Variants in AP3B1 observed in about 807,000 individuals in gnomAD.
AP3B1 encodes adaptor related protein complex 3 subunit beta 1, also known as AP-3 complex subunit beta-1.
A neutral mutation model predicts 132.5 loss-of-function variants in AP3B1; 61 were observed. The ratio of observed to expected loss-of-function variants is 0.46; its 90% CI spans 0.37 to 0.57. The LOEUF is 0.57. Among genes scored for constraint, AP3B1 ranks in the 20% least tolerant of loss-of-function variants. The pLI is 0.00. For synonymous variants in AP3B1, 388 were observed against 438.3 expected, an observed-to-expected ratio of 0.89 and a Z score of 1.43; for missense variants, 1,120 against 1,289.4, an observed-to-expected ratio of 0.87 and a Z score of 2.01.
At position 78,165,614 on chromosome 5, in the gene AP3B1, A is replaced by C; in HGVS notation, c.1226T>G (p.Phe409Cys). The C allele has an allele frequency of 6.2e-7, 1 of 1,607,364 alleles. No homozygotes were observed. The highest frequency in any genetic ancestry group is 2.2e-5 in the East Asian group (1 of 44,772). ...TAATTAGCACTGTACACAAACCTGA[A>C]ATTCTCGAAGAAGAGTTGATATGTT... ...EANISTLLRE[F>C]QTYVKSQDKQ... Residue 409 changes from phenylalanine to cysteine, a missense_variant, in exon 12 of 27, where the codon TTT becomes TGT. By Grantham distance (205) the Phe-to-Cys change is radical. Transcript: ENST00000255194.
intron 22 of AP3B1, chr5:78,042,990 C>T (rs886472482): frequency 2.2e-5 from 4 of 178,368 alleles, no homozygotes. Flanking sequence ...TCCAAATGTT[C>T]TTGATCTTGT....
intron 15 of AP3B1, among the ~76,000 whole-genome samples, chr5:78,137,510 G>A (rs993902817): frequency 3.3e-5 from 5 of 152,100 alleles, no homozygotes; most frequent in African/African-American, 1.2e-4. Flanking sequence ...CCTTTTGGAG[G>A]TCTAGCCACT....
In AP3B1 at chr5:78,058,112, A is replaced by G. The variant is rs142170550; in HGVS notation, c.2578-18838T>C. The stretch of plus-strand genomic sequence containing the variant: ...GTGCCTGTAATTATATTTGATGGTA[A>G]ATAAATATTTTAAAATATTTTAAAA... On this transcript the variant is annotated intron_variant, in intron 22 of 26. Transcript: ENST00000255194. 2.3e-3 allele frequency among the ~76,000 whole-genome samples: 348 copies of G among 152,326 alleles called. 1 individual carries two copies. Among genetic ancestry groups the G allele is most frequent in the African/African-American group, 7.9e-3 (328 of 41,562 alleles).
intron 21 of AP3B1, among the ~76,000 whole-genome samples, chr5:78,093,639 T>C (rs1325456280): frequency 1.3e-5 from 2 of 152,234 alleles, no homozygotes; most frequent in Non-Finnish European, 1.5e-5. Context: ...AAAAACTGAA[T>C]ACATAATGGC....
intron 11 of AP3B1, among the ~76,000 whole-genome samples, chr5:78,171,331 G>A (rs1173098749): frequency 6.6e-6 from 1 of 152,168 alleles, no homozygotes; most frequent in Non-Finnish European, 1.5e-5. Context: ...GGGCAGTATG[G>A]CCATTACCAC....
intron 24 of AP3B1, among the ~76,000 whole-genome samples, chr5:78,028,447 C>CAA (rs529821027): frequency 7.7e-4 from 102 of 132,696 alleles, no homozygotes; most frequent in African/African-American, 1.6e-3. Flanking sequence ...GACTCCATCT[C>CAA]AAAAAAAAAA....
chr5:78,222,650 G>A (rs1024088645), intron 6 of AP3B1: 1 of 151,636 alleles, frequency 6.6e-6, no homozygotes, highest in African/African-American at 2.4e-5. Context: ...AACCCAAGGA[G>A]GATGAATGAG....
intron 22 of AP3B1, among the ~76,000 whole-genome samples, chr5:78,071,036 G>A (rs1749517855): frequency 6.6e-6 from 1 of 152,156 alleles, no homozygotes; most frequent in Non-Finnish European, 1.5e-5. Context: ...AATACCATTT[G>A]ACCCACCAAT....
At chr5:78,077,029 T>C (rs970691123) in intron 22 of AP3B1, among the ~76,000 whole-genome samples, 1 of 152,186 alleles carries the variant, frequency 6.6e-6, no homozygotes, top group African/African-American at 2.4e-5. Flanking sequence ...AAGTTACAGC[T>C]GGTGTCAGAA....
At chr5:78,196,748 A>G (rs1194079290) in intron 7 of AP3B1, among the ~76,000 whole-genome samples, 3 of 152,236 alleles carry the variant, frequency 2.0e-5, no homozygotes, top group African/African-American at 7.2e-5. Flanking sequence ...ATATTACAAT[A>G]TAAGTGAGAG....
At chr5:78,030,379 A>C (rs1580258737) in intron 24 of AP3B1, among the ~76,000 whole-genome samples, 1 of 152,298 alleles carries the variant, frequency 6.6e-6, no homozygotes, top group East Asian at 1.9e-4. Flanking sequence ...GCAGGTGGTA[A>C]ACTGATTGAA....
At chr5:78,229,405 C>T (rs1746536017) in intron 3 of AP3B1, among the ~76,000 whole-genome samples, 1 of 152,036 alleles carries the variant, frequency 6.6e-6, no homozygotes, top group Admixed American at 6.6e-5. Flanking sequence ...TTCCTGATTA[C>T]CCTTCTAAGA....
At chr5:78,281,291 G>A (rs766534585) in intron 1 of AP3B1, among the ~76,000 whole-genome samples, 27 of 152,004 alleles carry the variant, frequency 1.8e-4, no homozygotes, top group Non-Finnish European at 2.5e-4. Context: ...AAAATTAGCC[G>A]GGCATGGTGG....
intron 22 of AP3B1, among the ~76,000 whole-genome samples, chr5:78,076,292 C>T (rs1037235384): frequency 2.0e-5 from 3 of 152,170 alleles, no homozygotes; most frequent in Non-Finnish European, 4.4e-5. Flanking sequence ...ATCTTGTTTA[C>T]CACTATATCC....
chr5:78,071,886 G>C (rs1372990474), intron 22 of AP3B1, among the ~76,000 whole-genome samples: 2 of 152,164 alleles, frequency 1.3e-5, no homozygotes, highest in African/African-American at 4.8e-5. Context: ...AGAAATTTTA[G>C]AGCTGGAAGG....
At chr5:78,275,483 A>AT (rs935681124) in intron 1 of AP3B1, among the ~76,000 whole-genome samples, 43 of 147,950 alleles carry the variant, frequency 2.9e-4, no homozygotes, top group East Asian at 3.9e-4. Flanking sequence ...ATGATAGGCA[A>AT]TTTTTTTTTT....
chr5:78,097,046 G>T, intron 21 of AP3B1, among the ~76,000 whole-genome samples: 1 of 121,980 alleles, frequency 8.2e-6, no homozygotes, highest in South Asian at 2.6e-4. Context: ...CAGCCGCCCC[G>T]TCCGGGAGGG....
intron 15 of AP3B1, among the ~76,000 whole-genome samples, chr5:78,129,635 G>T (rs1486447313): frequency 6.6e-6 from 1 of 152,004 alleles, no homozygotes; most frequent in Non-Finnish European, 1.5e-5. Context: ...AATGAATGTG[G>T]AAATACAACT....
intron 22 of AP3B1, chr5:78,043,952 T>C: frequency 3.1e-6 from 1 of 318,212 alleles, no homozygotes; most frequent in Non-Finnish European, 6.2e-6. Flanking sequence ...TTGTCCAACT[T>C]GGAAGGGTTT....
Sources: allele counts gnomAD v4.1 joint callset (sites outside exome capture counted in the v4.1 genomes callset), GRCh38; gene constraint gnomAD v4.1.1; transcripts MANE v1.5; gene names NCBI Gene and HGNC (gene_info 2026-07-23, HGNC 2026-07-21).